KIAA0319: variants seen among roughly 807,000 people sequenced by gnomAD.
KIAA0319 encodes the protein KIAA0319.
In KIAA0319, 83 loss-of-function variants were observed where a neutral mutation model predicts 108.4. That is an observed-to-expected ratio of 0.77 (90% CI 0.64 to 0.92). KIAA0319 has a LOEUF of 0.92. KIAA0319 is among the 40% of genes least tolerant of loss of function. The pLI is 0.00. For missense variants in KIAA0319, 1,195 were observed against 1,322.4 expected (o/e 0.90, Z 1.49); for synonymous variants, 484 against 510.4 (o/e 0.95, Z 0.70).
At chr6:24,627,123 T>C (rs950624565) in intron 1 of KIAA0319, among the ~76,000 whole-genome samples, 3 of 152,202 alleles carry the variant, frequency 2.0e-5, no homozygotes, top group Non-Finnish European at 4.4e-5. Flanking sequence ...ATTTTCCAAA[T>C]TTTCCATAAT....
chr6:24,541,145 A>C (rs1056811721), downstream of KIAA0319, among the ~76,000 whole-genome samples: 20 of 151,832 alleles, frequency 1.3e-4, no homozygotes, highest in Admixed American at 1.3e-3. Flanking sequence ...TATACATGCA[A>C]AAAAAAAGGA....
intron 11 of KIAA0319, among the ~76,000 whole-genome samples, chr6:24,571,998 G>A (rs1331444804): frequency 6.6e-6 from 1 of 152,246 alleles, no homozygotes; most frequent in Non-Finnish European, 1.5e-5. Flanking sequence ...CTAACTAATA[G>A]AACTTTTTAT....
chr6:24,546,888 A>G lies in KIAA0319; in HGVS notation c.*277T>C, dbSNP rs1760701177. On this transcript the variant is annotated 3_prime_UTR_variant, in exon 21 of 21. Coordinates refer to ENST00000378214, the MANE Select transcript of KIAA0319 (RefSeq NM_014809.4). ...ATAGAAATCGTTGTTCATCTTTAAT[A>G]TGAGATTGTGCCAGCTACAAAAACT... 3.3e-6 allele frequency: 1 copy of G among 304,912 alleles called. No homozygotes were observed. The highest frequency in any genetic ancestry group is 6.2e-6 in the Non-Finnish European group (1 of 162,260). 18.9% of individuals were successfully genotyped at this position (304,912 alleles called of 1,614,324 possible).
intron 19 of KIAA0319, among the ~76,000 whole-genome samples, chr6:24,553,284 TATATATATATACACAC>T (rs1278630411): frequency 7.4e-5 from 6 of 81,452 alleles, no homozygotes; most frequent in African/African-American, 3.3e-4. Flanking sequence ...GATATATATA[TATATATATATACACAC>T]ACACACACAC....
downstream of KIAA0319, among the ~76,000 whole-genome samples, chr6:24,543,403 TTACTG>T (rs1292363745): frequency 6.6e-6 from 1 of 152,228 alleles, no homozygotes; most frequent in East Asian, 1.9e-4. Flanking sequence ...TATGTGCAGT[TTACTG>T]TAAGTGAATT....
chr6:24,564,259 C>T lies in KIAA0319; in HGVS notation c.2374G>A (p.Val792Ile), dbSNP rs371137479. The change falls in exon 15 of 21, where the codon GTC (valine) becomes ATC (isoleucine). Residue 792 changes from valine (V) to isoleucine (I), a missense_variant. By Grantham distance (29) the Val-to-Ile change is conservative. Coordinates refer to ENST00000378214, the MANE Select transcript of KIAA0319 (RefSeq NM_014809.4). Reference protein sequence around the residue: ...VEGVYTFHLRVTDSQGASDTD... With the variant: ...VEGVYTFHLRITDSQGASDTD... ...TCCGAGGCCCCCTGACTGTCGGTGA[C>T]TCGCAAGTGGAAAGTGTACACCCCC... The T allele has an allele frequency of 4.4e-5, 71 of 1,614,016 alleles. No homozygotes were observed. The highest frequency in any genetic ancestry group is 5.9e-5 in the Non-Finnish European group (70 of 1,180,012).
chr6:24,558,273 C>CA (rs112514454), intron 17 of KIAA0319, among the ~76,000 whole-genome samples: 42,762 of 143,294 alleles, frequency 0.3, 7,285 homozygotes, highest in African/African-American at 0.49. Context: ...CTAAAAATAC[C>CA]AAAAAAAAAG....
Position 24,599,112 on chromosome 6 carries a change from C to A in KIAA0319, c.55+1937G>T. 1.5e-6 allele frequency: 1 copy of A among 684,062 alleles called. No homozygotes were observed. The allele number at this position is 684,062 out of a possible 1,614,324, so 42.4% of individuals were successfully genotyped here. A position where few individuals can be genotyped will look rare whatever the true frequency, so the allele number is the denominator to read the frequency against. ...GCTGTCCATGGACAACAGCTGGTCCCTGGACATGGACAGCATCATTGCTGA... is the reference window on the plus strand; with the variant it reads ...GCTGTCCATGGACAACAGCTGGTCCATGGACATGGACAGCATCATTGCTGA... On this transcript the variant is annotated intron_variant, in intron 2 of 20. Coordinates refer to ENST00000378214, the MANE Select transcript of KIAA0319 (RefSeq NM_014809.4). The surrounding 1 kb of genome is among the most constrained non-coding windows in gnomAD (Gnocchi z 4.1).
At chr6:24,594,026 C>T (rs1355482500) in intron 3 of KIAA0319, among the ~76,000 whole-genome samples, 1 of 148,610 alleles carries the variant, frequency 6.7e-6, no homozygotes, top group Non-Finnish European at 1.5e-5. Context: ...TGGTGAAACC[C>T]CATCTCTACT....
chr6:24,634,753 T>C (rs1003689898), intron 1 of KIAA0319, among the ~76,000 whole-genome samples: 10 of 152,230 alleles, frequency 6.6e-5, no homozygotes, highest in African/African-American at 2.4e-4. Flanking sequence ...CAGGTCTCAA[T>C]CAATTTAAAA....
At chr6:24,642,347 A>G (rs1777074341) in intron 1 of KIAA0319, among the ~76,000 whole-genome samples, 1 of 152,226 alleles carries the variant, frequency 6.6e-6, no homozygotes, top group Non-Finnish European at 1.5e-5. Flanking sequence ...TTTTGAAGGT[A>G]ACTCTGTTAC....
At chr6:24,615,991 T>A (rs1773093739) in intron 1 of KIAA0319, among the ~76,000 whole-genome samples, 1 of 152,310 alleles carries the variant, frequency 6.6e-6, no homozygotes, top group Admixed American at 6.5e-5. Context: ...GTAAGCAAGA[T>A]GAACATCTAT....
chr6:24,570,604 AG>A (rs1764587780), intron 11 of KIAA0319, among the ~76,000 whole-genome samples: 1 of 145,214 alleles, frequency 6.9e-6, no homozygotes, highest in East Asian at 2.1e-4. Flanking sequence ...AAATCGTCAT[AG>A]GGTGAAAGAG....
Position 24,569,762 on chromosome 6 carries a change from G to A in KIAA0319, c.1991+141C>T, listed in dbSNP as rs577165886. ...CTTAATGTACTCTTCAATCAATAAC[G>A]CCCAGCCACTTCTAGAAACGTGCTT... is the stretch of plus-strand genomic sequence containing the variant. On this transcript the variant is annotated intron_variant, in intron 12 of 20. Coordinates refer to ENST00000378214, the MANE Select transcript of KIAA0319 (RefSeq NM_014809.4). The A allele has an allele frequency of 4.9e-5, 46 of 936,856 alleles. No individual in the cohort carries two copies. In the South Asian group the frequency reaches 6.0e-4, roughly 12 times the overall value. 58.0% of individuals were successfully genotyped at this position (936,856 alleles called of 1,614,324 possible).
chr6:24,581,072 TA>T, intron 6 of KIAA0319, 59 bp from the exon 7 acceptor site: 1 of 1,054,858 alleles, frequency 9.5e-7, no homozygotes, highest in Non-Finnish European at 1.5e-6. Flanking sequence ...GTCCACTACG[TA>T]GAAAAAGCTA....
At chr6:24,638,487 G>T (rs538796205) in intron 1 of KIAA0319, among the ~76,000 whole-genome samples, 1 of 152,130 alleles carries the variant, frequency 6.6e-6, no homozygotes, top group South Asian at 2.1e-4. Flanking sequence ...GCAGCCGGGC[G>T]TGGTGGCTCC....
chr6:24,618,115 G>C (rs956602869), intron 1 of KIAA0319, among the ~76,000 whole-genome samples: 1 of 152,156 alleles, frequency 6.6e-6, no homozygotes, highest in African/African-American at 2.4e-5. Flanking sequence ...TCAAGAATTG[G>C]CAACCATAGG....
rs1246923224 is a variant in KIAA0319 at position 24,547,444 on chromosome 6, T to C, written c.3041-101A>G. ...TCCTGTGATGGGCACGGAGTGGTGCTCTCCGCCCCTTGAAAGCAATCACTC... is the reference window on the plus strand; with the variant it reads ...TCCTGTGATGGGCACGGAGTGGTGCCCTCCGCCCCTTGAAAGCAATCACTC... On this transcript the variant is annotated intron_variant, in intron 20 of 20. Transcript: ENST00000378214. 5 of 960,778 alleles carry C rather than the reference T, an allele frequency of 5.2e-6. No homozygotes were observed. The East Asian group carries it at 7.9e-5, about 15-fold the overall frequency. 59.5% of individuals were successfully genotyped at this position (960,778 alleles called of 1,614,324 possible).
chr6:24,556,688 G>A lies in KIAA0319; in HGVS notation c.2776C>T (p.Leu926Phe), dbSNP rs1343280609. The A allele has an allele frequency of 1.9e-6, 3 of 1,614,020 alleles. No individual in the cohort carries two copies. Among genetic ancestry groups the A allele is most frequent in the East Asian group, 4.5e-5 (2 of 44,878 alleles). Residue 926 changes from leucine to phenylalanine, a missense_variant, in exon 18 of 21, where the codon CTC becomes TTC. Transcript: ENST00000378214. ...KCSGHGHCDP[L>F]TKRCICSHLW... Reference sequence around the variant, plus strand: ...TGAGAGCAAATGCAGCGCTTTGTGAGGGGGTCGCAGTGACCATGGCCAGAA... The same window carrying A: ...TGAGAGCAAATGCAGCGCTTTGTGAAGGGGTCGCAGTGACCATGGCCAGAA...
Sources: allele counts gnomAD v4.1 joint callset (sites outside exome capture counted in the v4.1 genomes callset), GRCh38; gene constraint gnomAD v4.1.1; non-coding constraint Gnocchi (gnomAD v3.1); transcripts MANE v1.5; gene names NCBI Gene and HGNC (gene_info 2026-07-23, HGNC 2026-07-21).